Variants in REV3L observed in about 807,000 individuals in gnomAD.
REV3L encodes the protein REV3 like, DNA directed polymerase zeta catalytic subunit.
In REV3L, 69 loss-of-function variants were observed where a neutral mutation model predicts 299.4. The observed-to-expected ratio is 0.23, with a 90% CI of 0.19 to 0.28. REV3L has a LOEUF of 0.28. Ranked by LOEUF, REV3L falls within the 10% of genes least tolerant of loss-of-function variation. REV3L has a pLI of 1.00. For missense variants in REV3L, 3,128 were observed against 3,693.8 expected, an observed-to-expected ratio of 0.85 and a Z score of 3.97; for synonymous variants, 1,238 against 1,271.4, an observed-to-expected ratio of 0.97 and a Z score of 0.56.
In REV3L at chr6:111,367,542, C is replaced by A. The variant is rs778330552; in HGVS notation, c.6246G>T (p.Thr2082=). ...TTTCACTTGCAGTTTGACTACATCCCGTGGTTGGTGCTTGTAAAGCAATCT... is the reference window on the plus strand; with the variant it reads ...TTTCACTTGCAGTTTGACTACATCCAGTGGTTGGTGCTTGTAAAGCAATCT... The part of the protein sequence containing the change: ...NSQIALQAPT[T]GCSQTASESQ... Residue 2082 remains threonine (T), a synonymous_variant, in exon 14 of 32, where the codon ACG becomes ACT. Coordinates refer to ENST00000368802, the MANE Select transcript of REV3L (RefSeq NM_001372078.1). The A allele has an allele frequency of 6.2e-7, 1 of 1,613,032 alleles. No individual in the cohort carries two copies. The highest frequency in any genetic ancestry group is 2.2e-5 in the East Asian group (1 of 44,858).
In REV3L at chr6:111,357,122, A is replaced by C. The variant is rs1240732021; in HGVS notation, c.7076T>G (p.Ile2359Ser). 1 of 1,481,584 alleles carries C rather than the reference A, an allele frequency of 6.7e-7. No homozygotes were observed. The allele number at this position is 1,481,584 out of a possible 1,614,324, so 91.8% of individuals were successfully genotyped here. A position where few individuals can be genotyped will look rare whatever the true frequency, so the allele number is the denominator to read the frequency against. Residue 2359 changes from isoleucine (I) to serine (S), a missense_variant, in exon 18 of 32, where the codon ATC becomes AGC. By Grantham distance (142) the Ile-to-Ser change is moderately radical. This residue lies in a region of REV3L where 82 missense variants were observed against 142.7 expected (regional missense o/e 0.57). Transcript: ENST00000368802. ...AATAAGTAATGGAGTCTGATATCTG[A>C]TATCTAAAAAACAAACAAAATGTCT... ...DKDKTVFSQDIRYQTPLLIRS... is the reference protein window; with the variant it reads ...DKDKTVFSQDSRYQTPLLIRS...
chr6:111,326,807 TA>T (rs201555297), intron 25 of REV3L, among the ~76,000 whole-genome samples: 23,572 of 146,352 alleles, frequency 0.16, 1,893 homozygotes, highest in Middle Eastern at 0.25. Flanking sequence ...ATCTGCCCTT[TA>T]AAAAAAAAAA....
intron 2 of REV3L, among the ~76,000 whole-genome samples, chr6:111,415,615 C>G (rs1784679114): frequency 6.6e-6 from 1 of 151,864 alleles, no homozygotes; most frequent in African/African-American, 2.4e-5. Context: ...AGTCTCTACC[C>G]TCTCATCTCT....
chr6:111,320,297 C>T (rs1393634618), intron 26 of REV3L, among the ~76,000 whole-genome samples: 1 of 151,244 alleles, frequency 6.6e-6, no homozygotes, highest in Non-Finnish European at 1.5e-5. Context: ...AACTCCTGAC[C>T]TCAGGTGATC....
chr6:111,342,170 G>T (rs1776557370), intron 21 of REV3L, among the ~76,000 whole-genome samples: 1 of 152,128 alleles, frequency 6.6e-6, no homozygotes, highest in South Asian at 2.1e-4. Context: ...TAAATAACAA[G>T]CAACTGGAAA....
At chr6:111,458,140 T>G (rs928738064) in intron 1 of REV3L, among the ~76,000 whole-genome samples, 2 of 152,066 alleles carry the variant, frequency 1.3e-5, no homozygotes, top group Non-Finnish European at 2.9e-5. Flanking sequence ...GTTCAACATA[T>G]GCAAATCAAT....
chr6:111,359,159 T>C (rs974008192), intron 16 of REV3L, 145 bp from the exon 17 acceptor site: 5 of 534,584 alleles, frequency 9.4e-6, no homozygotes, highest in African/African-American at 3.8e-5. Context: ...CAGCACTCCA[T>C]ATATTAAAAC....
At chr6:111,483,542 T>G (rs1347974217), upstream of REV3L, 1 of 498,826 alleles carries the variant, frequency 2.0e-6, no homozygotes, top group South Asian at 1.6e-5. Flanking sequence ...GCGCCAGTGT[T>G]CGGGGCCGTT....
chr6:111,455,664 C>T (rs1790079571), intron 1 of REV3L, among the ~76,000 whole-genome samples: 1 of 152,094 alleles, frequency 6.6e-6, no homozygotes, highest in South Asian at 2.1e-4. Flanking sequence ...AGAGAATGGA[C>T]TTGAAAGTCC....
chr6:111,480,894 T>A (rs1313143972), intron 1 of REV3L, among the ~76,000 whole-genome samples: 4 of 150,010 alleles, frequency 2.7e-5, no homozygotes, highest in Non-Finnish European at 5.9e-5. Context: ...CCATGAAGGA[T>A]TAAATAGGAA....
rs1562154032 is a variant in REV3L, at chr6:111,344,014, A to G, written c.7449T>C (p.Asn2483=). 2.5e-6 allele frequency: 4 copies of G among 1,611,566 alleles called. No homozygotes were observed. The highest frequency in any genetic ancestry group is 2.2e-5 in the East Asian group (1 of 44,810). Residue 2483 remains asparagine (N), a synonymous_variant, in exon 21 of 32, where the codon AAT becomes AAC. Transcript: ENST00000368802. ...EVALTNYTFE[N]VSFHVLHQRF... is the part of the protein sequence containing the mutation. Reference sequence around the variant, plus strand: ...GCTGATGAAGAACATGAAAGCTCACATTTTCAAAGGTGTAGTTAGTTAGAG... The same window carrying G: ...GCTGATGAAGAACATGAAAGCTCACGTTTTCAAAGGTGTAGTTAGTTAGAG...
Position 111,387,762 on chromosome 6 carries a change from T to G in REV3L, c.1096+3A>C. ...TTCTGTATACATGAAAAGAAAATCT[T>G]ACCTTTGCTTGACTCTTTGTCTTTG... On this transcript the variant is annotated splice_donor_region_variant and intron_variant, in intron 9 of 31. Transcript: ENST00000368802. The G allele has an allele frequency of 6.2e-7, 1 of 1,613,600 alleles. No individual in the cohort carries two copies.
intron 1 of REV3L, among the ~76,000 whole-genome samples, chr6:111,470,513 G>T (rs1792069857): frequency 6.6e-6 from 1 of 152,124 alleles, no homozygotes; most frequent in African/African-American, 2.4e-5. Context: ...TTATAACAGG[G>T]CACACAGTCC....
In REV3L at chr6:111,375,542, G is replaced by A. The variant is rs1780216777; in HGVS notation, c.2813C>T (p.Thr938Ile). 1 of 1,613,430 alleles carries A rather than the reference G, an allele frequency of 6.2e-7. No individual in the cohort carries two copies. Among genetic ancestry groups the A allele is most frequent in the Non-Finnish European group, 8.5e-7 (1 of 1,179,816 alleles). The change falls in exon 13 of 32, where the codon ACT becomes ATT. Residue 938 changes from threonine (T) to isoleucine (I), a missense_variant. Physicochemically the swap from Thr to Ile is moderately conservative, Grantham distance 89. Around this residue, in one of 9 missense-constraint regions of REV3L, gnomAD observed 2,409 missense variants for 2,611.8 expected, o/e 0.92. Transcript: ENST00000368802. ...AGGTAGACTAATTTTTGAGTTGTGAGTTACAAAACTTGACTCACTGTCTTC... is the reference window on the plus strand; with the variant it reads ...AGGTAGACTAATTTTTGAGTTGTGAATTACAAAACTTGACTCACTGTCTTC... The part of the protein sequence containing the change: ...ETEDSESSFV[T>I]HNSKISLPHP...
intron 1 of REV3L, among the ~76,000 whole-genome samples, chr6:111,433,255 GTTGT>G (rs1562304763): frequency 6.6e-6 from 1 of 151,942 alleles, no homozygotes; most frequent in Admixed American, 6.6e-5. Flanking sequence ...AAAATGAAAG[GTTGT>G]TTTTTTTAAA....
Position 111,388,026 on chromosome 6 carries a change from T to G in REV3L, c.922A>C (p.Ile308Leu). The G allele has an allele frequency of 3.1e-6, 5 of 1,613,106 alleles. No homozygotes were observed. Among genetic ancestry groups the G allele is most frequent in the Non-Finnish European group, 4.2e-6 (5 of 1,179,578 alleles). The change falls in exon 8 of 32, where the codon ATT becomes CTT. Residue 308 changes from isoleucine (I) to leucine (L), a missense_variant. Physicochemically the swap from Ile to Leu is conservative, Grantham distance 5 (BLOSUM62 2). This residue lies in a region of REV3L where 2,409 missense variants were observed against 2,611.8 expected (regional missense o/e 0.92). Transcript: ENST00000368802. ...EKKFQKRLQE[I>L]LKQNDFSVTL... ...ACAGAGAAATCATTCTGTTTGAGAA[T>G]TTCCTGAAGTCTCTTCTGAAATTTT...
rs1314368589 is a variant in REV3L, at chr6:111,335,457, C to T, written c.7680+12G>A. ...CAGAACTTTCAAGTCTGCAAGAAAACTGATTTCCCACCTGTGAACCCCTTG... is the reference window on the plus strand; with the variant it reads ...CAGAACTTTCAAGTCTGCAAGAAAATTGATTTCCCACCTGTGAACCCCTTG... On this transcript the variant is annotated intron_variant, in intron 22 of 31. Transcript: ENST00000368802. 6.2e-7 allele frequency: 1 copy of T among 1,604,372 alleles called. No homozygotes were observed. The highest frequency in any genetic ancestry group is 2.3e-5 in the East Asian group (1 of 44,354).
At chr6:111,468,754 A>C (rs144986633) in intron 1 of REV3L, among the ~76,000 whole-genome samples, 2 of 560 alleles carry the variant, frequency 3.6e-3, no homozygotes, top group South Asian at 0.1. Context: ...CATGTAAGAT[A>C]ATATTTAGCC....
chr6:111,461,027 G>GT (rs1184369674), intron 1 of REV3L, among the ~76,000 whole-genome samples: 1 of 152,102 alleles, frequency 6.6e-6, no homozygotes, highest in Non-Finnish European at 1.5e-5. Flanking sequence ...CTTGATCATG[G>GT]TAACAGTTAC....
Sources: allele counts gnomAD v4.1 joint callset (sites outside exome capture counted in the v4.1 genomes callset), GRCh38; gene constraint gnomAD v4.1.1; regional missense constraint gnomAD v4.1.1; transcripts MANE v1.5; gene names NCBI Gene and HGNC (gene_info 2026-07-23, HGNC 2026-07-21).